ANKAR: variants seen among roughly 807,000 people sequenced by gnomAD.
ANKAR encodes the protein ankyrin and armadillo repeat-containing protein.
ANKAR carries 136 observed loss-of-function variants against 146.2 expected under a neutral mutation model. The ratio of observed to expected loss-of-function variants is 0.93; its 90% CI spans 0.81 to 1.07. The LOEUF (loss-of-function observed/expected upper bound fraction) is 1.07. ANKAR is among the 50% of genes least tolerant of loss of function. The pLI, the probability that ANKAR is intolerant of heterozygous loss-of-function variation, is 0.00. For synonymous variants in ANKAR, 500 were observed against 575.8 expected (o/e 0.87, Z 1.88); for missense variants, 1,567 against 1,679.9 (o/e 0.93, Z 1.18).
intron 10 of ANKAR, among the ~76,000 whole-genome samples, chr2:189,713,323 C>T (rs959334318): frequency 6.6e-6 from 1 of 152,132 alleles, no homozygotes; most frequent in Non-Finnish European, 1.5e-5. Context: ...TTGTCAGATT[C>T]ACCAAGGTTG....
At chr2:189,721,995 C>T (rs979351851) in intron 12 of ANKAR, among the ~76,000 whole-genome samples, 3 of 152,112 alleles carry the variant, frequency 2.0e-5, no homozygotes, top group Admixed American at 6.6e-5. Context: ...ATTCCTTATG[C>T]TCTCTCTGTT....
At chr2:189,682,398 A>G (rs1484885179) in intron 2 of ANKAR, among the ~76,000 whole-genome samples, 1 of 152,186 alleles carries the variant, frequency 6.6e-6, no homozygotes, top group African/African-American at 2.4e-5. Flanking sequence ...AGAAACTTCA[A>G]CAATGTGTGG....
downstream of ANKAR, among the ~76,000 whole-genome samples, chr2:189,749,665 T>G (rs1467725748): frequency 6.6e-6 from 1 of 152,206 alleles, no homozygotes; most frequent in Admixed American, 6.5e-5. Flanking sequence ...GAGGGATTAC[T>G]TATATGTTAA....
At chr2:189,715,784 A>G (rs183148229) in intron 10 of ANKAR, among the ~76,000 whole-genome samples, 5,280 of 152,320 alleles carry the variant, frequency 0.035, 103 homozygotes, top group South Asian at 0.07. Context: ...CTGGTTCAAC[A>G]TACGCAAATC....
chr2:189,734,329 T>C (rs1000939186), intron 17 of ANKAR, among the ~76,000 whole-genome samples: 1 of 152,234 alleles, frequency 6.6e-6, no homozygotes. Flanking sequence ...CAATAATAAA[T>C]GTAACATTTG....
intron 18 of ANKAR, among the ~76,000 whole-genome samples, chr2:189,757,747 ATCCC>A (rs1218610780): frequency 6.6e-6 from 1 of 152,238 alleles, no homozygotes; most frequent in African/African-American, 2.4e-5. Flanking sequence ...TTATATTTGT[ATCCC>A]AAATGCCCTA....
chr2:189,675,819 C>G (rs949394401), intron 1 of ANKAR, among the ~76,000 whole-genome samples: 4 of 152,130 alleles, frequency 2.6e-5, no homozygotes, highest in Admixed American at 1.3e-4. Context: ...GGGTGGATCC[C>G]TCATGAATGG....
At position 189,719,958 on chromosome 2, in the gene ANKAR, G is replaced by A. The variant is rs1028736085; in HGVS notation, c.2466+145G>A. 6 of 934,868 alleles carry A rather than the reference G, an allele frequency of 6.4e-6. No individual in the cohort carries two copies. The African/African-American group carries it at 9.9e-5, about 15-fold the overall frequency. The allele number at this position is 934,868 out of a possible 1,614,324, so 57.9% of individuals were successfully genotyped here. On this transcript the variant is annotated intron_variant, in intron 11 of 22. Coordinates refer to ENST00000684021, the MANE Select transcript of ANKAR (RefSeq NM_001378068.1). The stretch of plus-strand genomic sequence containing the variant: ...GGAAAAGGGAGAGAGGGTGCCTGAT[G>A]AAAACTCCACCGAAAAGTTGGCATT...
intron 10 of ANKAR, among the ~76,000 whole-genome samples, chr2:189,715,451 C>G (rs1192721817): frequency 6.6e-6 from 1 of 152,140 alleles, no homozygotes; most frequent in Admixed American, 6.5e-5. Context: ...TACTTAATAG[C>G]CTACCAACCA....
rs2036985895 is a variant in ANKAR at position 189,695,006 on chromosome 2, G to C, written c.1333G>C (p.Glu445Gln). The change falls in exon 6 of 23, where the codon GAA (glutamate) becomes CAA (glutamine). Residue 445 changes from glutamate (E) to glutamine (Q), a missense_variant. Transcript: ENST00000684021. ...KSYYVIYFELETFYQQLYKTQ... is the reference protein window; with the variant it reads ...KSYYVIYFELQTFYQQLYKTQ... ...CTACTATGTGATCTATTTTGAACTA[G>C]AAACTTTCTATCAGCAACTATATAA... is the stretch of plus-strand genomic sequence containing the variant. 1.3e-6 allele frequency: 2 copies of C among 1,548,588 alleles called. No individual in the cohort carries two copies. Among genetic ancestry groups the C allele is most frequent in the Non-Finnish European group, 1.7e-6 (2 of 1,147,616 alleles).
At chr2:189,744,197 A>G (rs1574770929) in intron 21 of ANKAR, among the ~76,000 whole-genome samples, 1 of 152,332 alleles carries the variant, frequency 6.6e-6, no homozygotes, top group East Asian at 1.9e-4. Context: ...TAGATTCTAC[A>G]TCAATTTTAA....
chr2:189,719,209 G>A (rs1300011607), intron 10 of ANKAR, among the ~76,000 whole-genome samples: 2 of 152,144 alleles, frequency 1.3e-5, no homozygotes, highest in Non-Finnish European at 2.9e-5. Context: ...AGTGCCATGC[G>A]AAGTTGATGC....
intron 22 of ANKAR, among the ~76,000 whole-genome samples, chr2:189,744,990 T>TCTACTACTACTA (rs543460540): frequency 8.9e-6 from 1 of 112,412 alleles, no homozygotes. Context: ...AAACCCCATC[T>TCTACTACTACTA]CTACTACTAC....
At chr2:189,690,595 C>T (rs2036242614) in intron 3 of ANKAR, among the ~76,000 whole-genome samples, 1 of 152,290 alleles carries the variant, frequency 6.6e-6, no homozygotes, top group Admixed American at 6.5e-5. Flanking sequence ...GCTTTCCAAG[C>T]ATGTAGGCTT....
intron 10 of ANKAR, among the ~76,000 whole-genome samples, chr2:189,716,093 A>T (rs940118374): frequency 7.9e-5 from 12 of 151,870 alleles, no homozygotes; most frequent in Admixed American, 3.3e-4. Flanking sequence ...GGCCAGGGCA[A>T]TCAGGCAAGA....
chr2:189,693,349 A>ATTTTT (rs1265169384), intron 5 of ANKAR, among the ~76,000 whole-genome samples, 172 bp downstream of exon 5: 2 of 152,182 alleles, frequency 1.3e-5, no homozygotes, highest in Non-Finnish European at 2.9e-5. Flanking sequence ...TGTTATAGTT[A>ATTTTT]TTACTTCATG....
At chr2:189,741,654 T>G (rs2043342912) in intron 20 of ANKAR, among the ~76,000 whole-genome samples, 1 of 152,180 alleles carries the variant, frequency 6.6e-6, no homozygotes, top group Non-Finnish European at 1.5e-5. Context: ...TTTCTAATAC[T>G]AATTAGTCAT....
At chr2:189,678,449 A>G (rs1270611290) in intron 2 of ANKAR, among the ~76,000 whole-genome samples, 3 of 152,052 alleles carry the variant, frequency 2.0e-5, no homozygotes, top group Non-Finnish European at 2.9e-5. Flanking sequence ...ATTAGGTCAC[A>G]TCTATTTATG....
rs116654987 is a variant in ANKAR at position 189,756,499 on chromosome 2, A to G, written c.*585-4599A>G. Among the ~76,000 whole-genome samples, 1,160 of 152,340 alleles carry G rather than the reference A, an allele frequency of 7.6e-3. 12 individuals are homozygous for G. The highest frequency in any genetic ancestry group is 0.031 in the Middle Eastern group (9 of 294). On this transcript the variant is annotated intron_variant and NMD_transcript_variant, in intron 18 of 18. Transcript: ENST00000441800. ...AATCCTCAGTAAGTGCATTCAATGA[A>G]TATTTGCTGAGTAATTAAAATATTG...
Sources: gnomAD v4.1 joint callset for allele counts (sites outside exome capture counted in the v4.1 genomes callset) on GRCh38, gnomAD v4.1.1 for gene constraint, MANE v1.5 for transcripts, NCBI Gene and HGNC (gene_info 2026-07-23, HGNC 2026-07-21) for gene names.